Variants in NEURL1 observed in about 807,000 individuals in gnomAD.
NEURL1 encodes the protein E3 ubiquitin-protein ligase NEURL1.
A neutral mutation model predicts 41.2 loss-of-function variants in NEURL1; 26 were observed. The ratio of observed to expected loss-of-function variants is 0.63; its 90% confidence interval spans 0.46 to 0.87. NEURL1 has a LOEUF of 0.87. Among genes scored for constraint, NEURL1 ranks in the 40% least tolerant of loss-of-function variants. NEURL1 has a pLI of 0.00. For missense variants in NEURL1, 761 were observed against 871.1 expected (o/e 0.87, Z 1.59); for synonymous variants, 400 against 402.3 (o/e 0.99, Z 0.07).
At position 103,559,887 on chromosome 10, in the gene NEURL1, C is replaced by T. The variant is rs536869790; in HGVS notation, c.86-10985C>T. 2.0e-5 allele frequency among the ~76,000 whole-genome samples: 3 copies of T among 152,072 alleles called. No homozygotes were observed. In the East Asian group the frequency reaches 5.8e-4, roughly 29 times the overall value. ...ACATGTACACATACGCACACACATA[C>T]ACACATGCATGCACACACACAACAC... On this transcript the variant is annotated intron_variant, in intron 1 of 5. Transcript: ENST00000369780.
At chr10:103,570,202 G>A (rs942876294) in intron 1 of NEURL1, among the ~76,000 whole-genome samples, 42 of 152,238 alleles carry the variant, frequency 2.8e-4, no homozygotes, top group African/African-American at 6.3e-4. Flanking sequence ...CAGGATGGGC[G>A]GGCTCTACTT....
Position 103,545,244 on chromosome 10 carries a change from G to T in NEURL1, c.86-25628G>T, listed in dbSNP as rs72848971. 0.19 allele frequency among the ~76,000 whole-genome samples: 29,582 copies of T among 152,222 alleles called. 3,046 individuals are homozygous for T. The highest frequency in any genetic ancestry group is 0.22 in the Non-Finnish European group (15,244 of 68,016). ...CTGTCCTTTGTGCAGGAATACCACA[G>T]TCCTGACAGCCACCTTTGGTGGCCA... is the stretch of plus-strand genomic sequence containing the variant. On this transcript the variant is annotated intron_variant, in intron 1 of 5. Coordinates refer to ENST00000369780, the MANE Select transcript of NEURL1 (RefSeq NM_004210.5). This position sits in a 1 kb window ranked among gnomAD's most constrained non-coding sequence, Gnocchi z 4.5.
chr10:103,541,642 C>T (rs186090609), intron 1 of NEURL1, among the ~76,000 whole-genome samples: 9 of 152,282 alleles, frequency 5.9e-5, no homozygotes, highest in East Asian at 1.9e-4. Flanking sequence ...ATCAGTCAAG[C>T]GTCCACCCTG....
chr10:103,530,360 T>G (rs2034544782), intron 1 of NEURL1, among the ~76,000 whole-genome samples: 1 of 152,086 alleles, frequency 6.6e-6, no homozygotes, highest in African/African-American at 2.4e-5. Context: ...ATCCTATAGG[T>G]TTTGCTTTGT....
intron 4 of NEURL1, chr10:103,588,641 G>A (rs548946787): frequency 1.1e-5 from 4 of 376,658 alleles, no homozygotes; most frequent in African/African-American, 2.1e-5. Flanking sequence ...AGAGGGAGGC[G>A]AGGATTGTTA....
intron 3 of NEURL1, among the ~76,000 whole-genome samples, chr10:103,580,019 G>T (rs2035752631): frequency 6.6e-6 from 1 of 152,008 alleles, no homozygotes; most frequent in Non-Finnish European, 1.5e-5. Flanking sequence ...TGGCTCCCAG[G>T]GCCCAGTTCC....
At chr10:103,495,558 C>T (rs1466434484) in intron 1 of NEURL1, among the ~76,000 whole-genome samples, 1 of 152,186 alleles carries the variant, frequency 6.6e-6, no homozygotes, top group African/African-American at 2.4e-5. Flanking sequence ...GCTTCAGGTT[C>T]CCAAAGCCAG....
At chr10:103,549,587 G>A (rs758447450) in intron 1 of NEURL1, among the ~76,000 whole-genome samples, 1 of 152,192 alleles carries the variant, frequency 6.6e-6, no homozygotes, top group Non-Finnish European at 1.5e-5. Context: ...GCCCTGGCAG[G>A]ATGGCCATAA....
At chr10:103,502,213 A>T (rs574848088) in intron 1 of NEURL1, among the ~76,000 whole-genome samples, 8 of 152,234 alleles carry the variant, frequency 5.3e-5, no homozygotes, top group African/African-American at 1.9e-4. Flanking sequence ...TCTTGGGGGG[A>T]ATTTCTCCAT....
chr10:103,513,261 T>C (rs1000157875), intron 1 of NEURL1, among the ~76,000 whole-genome samples: 4 of 152,240 alleles, frequency 2.6e-5, no homozygotes, highest in Admixed American at 6.5e-5. Flanking sequence ...TCATTTTTAG[T>C]GCTTACTACT....
At chr10:103,571,853 C>A in intron 3 of NEURL1, 31 bp downstream of exon 3, 1 of 1,558,742 alleles carries the variant, frequency 6.4e-7, no homozygotes, top group Non-Finnish European at 8.7e-7. Flanking sequence ...CCCCTTGGTG[C>A]AGGGGACACC....
At chr10:103,528,612 G>C (rs1237233483) in intron 1 of NEURL1, among the ~76,000 whole-genome samples, 1 of 152,032 alleles carries the variant, frequency 6.6e-6, no homozygotes, top group Non-Finnish European at 1.5e-5. Context: ...TCTGACAAAA[G>C]GTGATATCAG....
At chr10:103,537,129 T>C (rs944704451) in intron 1 of NEURL1, among the ~76,000 whole-genome samples, 5 of 152,254 alleles carry the variant, frequency 3.3e-5, no homozygotes, top group Admixed American at 3.3e-4. Context: ...TATATTCCAT[T>C]GTATGTATGT....
At chr10:103,572,558 G>T (rs142293558) in intron 3 of NEURL1, among the ~76,000 whole-genome samples, 1 of 152,328 alleles carries the variant, frequency 6.6e-6, no homozygotes, top group East Asian at 1.9e-4. Flanking sequence ...TCAGGGGCCA[G>T]GCTTCCCTGC....
intron 3 of NEURL1, among the ~76,000 whole-genome samples, chr10:103,583,321 G>T (rs572896973): frequency 6.6e-6 from 1 of 152,236 alleles, no homozygotes; most frequent in East Asian, 1.9e-4. Flanking sequence ...TCATTTTTCT[G>T]GGGAAAAGGG....
intron 1 of NEURL1, among the ~76,000 whole-genome samples, chr10:103,513,941 G>T (rs2034135682): frequency 6.6e-6 from 1 of 152,030 alleles, no homozygotes; most frequent in Admixed American, 6.6e-5. Context: ...CCAAGAGGCT[G>T]GGGGAGCTGG....
chr10:103,550,217 C>G (rs1409058668), intron 1 of NEURL1, among the ~76,000 whole-genome samples: 2 of 152,142 alleles, frequency 1.3e-5, no homozygotes, highest in South Asian at 4.1e-4. Flanking sequence ...GCTAGGTAGA[C>G]CATCATGGAA....
intron 3 of NEURL1, among the ~76,000 whole-genome samples, chr10:103,574,222 G>A (rs999457122): frequency 4.6e-5 from 7 of 152,192 alleles, no homozygotes; most frequent in Admixed American, 6.5e-5. Flanking sequence ...GGAAGTTAGG[G>A]AGATGAAGCA....
intron 1 of NEURL1, among the ~76,000 whole-genome samples, chr10:103,522,155 C>T (rs890027053): frequency 1.3e-5 from 2 of 152,144 alleles, no homozygotes; most frequent in African/African-American, 4.8e-5. Flanking sequence ...AAGGCAAGAA[C>T]TGGCCATTTT....
Sources: gnomAD v4.1 joint callset for allele counts (sites outside exome capture counted in the v4.1 genomes callset) on GRCh38, gnomAD v4.1.1 for gene constraint, Gnocchi (gnomAD v3.1) non-coding constraint, MANE v1.5 for transcripts, NCBI Gene and HGNC (gene_info 2026-07-23, HGNC 2026-07-21) for gene names.